Variants in DCAKD observed in about 807,000 individuals in gnomAD.
DCAKD encodes the protein dephospho-CoA kinase domain containing.
DCAKD carries 15 observed loss-of-function variants against 18.7 expected under a neutral mutation model. The ratio of observed to expected loss-of-function variants is 0.80; its 90% confidence interval spans 0.54 to 1.24. The LOEUF is 1.24. Ranked by LOEUF, DCAKD falls within the 50% of genes most tolerant of loss-of-function variation. The pLI, the probability that DCAKD is intolerant of heterozygous loss-of-function variation, is 0.00. For synonymous variants in DCAKD, 130 were observed against 133.0 expected, an observed-to-expected ratio of 0.98 and a Z score of 0.16; for missense variants, 301 against 322.0, an observed-to-expected ratio of 0.93 and a Z score of 0.50.
At chr17:45,041,064 T>C (rs2053422094) in intron 1 of DCAKD, among the ~76,000 whole-genome samples, 1 of 152,150 alleles carries the variant, frequency 6.6e-6, no homozygotes, top group Admixed American at 6.6e-5. Context: ...ACCTGTGCCC[T>C]GACCACTCCA....
chr17:45,037,303 TA>T (rs985831041), intron 1 of DCAKD, among the ~76,000 whole-genome samples: 2 of 151,662 alleles, frequency 1.3e-5, no homozygotes, highest in African/African-American at 2.4e-5. Context: ...CTCTCTCTAT[TA>T]AAAAAAATAA....
At chr17:45,045,353 G>C (rs1234119065) in intron 1 of DCAKD, among the ~76,000 whole-genome samples, 1 of 152,130 alleles carries the variant, frequency 6.6e-6, no homozygotes. Flanking sequence ...GCTTTGTGTT[G>C]ATATCTTGCA....
intron 1 of DCAKD, among the ~76,000 whole-genome samples, chr17:45,038,166 T>C (rs1441982692): frequency 6.6e-6 from 1 of 151,868 alleles, no homozygotes; most frequent in Non-Finnish European, 1.5e-5. Flanking sequence ...AATCTCTGCC[T>C]CCTGGGTTCA....
At chr17:45,045,405 G>A (rs564741976) in intron 1 of DCAKD, among the ~76,000 whole-genome samples, 1 of 152,220 alleles carries the variant, frequency 6.6e-6, no homozygotes, top group East Asian at 1.9e-4. Context: ...TATCCAAGGT[G>A]CCAAAAACAG....
At position 45,024,105 on chromosome 17, in the gene DCAKD, C is replaced by A; in HGVS notation, c.*328G>T. On this transcript the variant is annotated 3_prime_UTR_variant, in exon 5 of 5. Coordinates refer to ENST00000651974, the MANE Select transcript of DCAKD (RefSeq NM_001288655.2). ...GCCACAGAGCCAGTATTCCCTACCC[C>A]CACCCACAGAAATGTATAGCAGTCT... 1 of 270,226 alleles carries A rather than the reference C, an allele frequency of 3.7e-6. No homozygotes were observed. The highest frequency in any genetic ancestry group is 7.2e-6 in the Non-Finnish European group (1 of 139,514). 16.7% of individuals were successfully genotyped at this position (270,226 alleles called of 1,614,324 possible).
intron 1 of DCAKD, among the ~76,000 whole-genome samples, chr17:45,040,948 T>C (rs2143294563): frequency 6.6e-6 from 1 of 152,206 alleles, no homozygotes; most frequent in East Asian, 1.9e-4. Flanking sequence ...TCTGGCAGTG[T>C]TTCTCTTAGG....
intron 1 of DCAKD, among the ~76,000 whole-genome samples, chr17:45,037,248 T>C (rs2053321205): frequency 6.6e-6 from 1 of 152,086 alleles, no homozygotes; most frequent in African/African-American, 2.4e-5. Flanking sequence ...GGAGGATTGC[T>C]TGAGACCAGG....
intron 1 of DCAKD, among the ~76,000 whole-genome samples, chr17:45,046,698 C>T (rs936668445): frequency 2.0e-5 from 3 of 150,150 alleles, no homozygotes; most frequent in Non-Finnish European, 4.4e-5. Context: ...AATGAGAACA[C>T]TTAGGTGATG....
chr17:45,024,844 C>A, intron 4 of DCAKD, 120 bp from the exon 5 acceptor site: 4 of 1,260,580 alleles, frequency 3.2e-6, no homozygotes, highest in Non-Finnish European at 4.3e-6. Context: ...ATCTTCCCTC[C>A]AACCCTACCC....
chr17:45,024,790 C>A (rs1477703504), intron 4 of DCAKD, 66 bp from the exon 5 acceptor site: 1 of 1,495,132 alleles, frequency 6.7e-7, no homozygotes, highest in Non-Finnish European at 8.9e-7. Context: ...CAGGGATAGG[C>A]AGCCCTGCCA....
intron 3 of DCAKD, chr17:45,031,981 T>G: frequency 1.0e-6 from 1 of 985,428 alleles, no homozygotes; most frequent in Non-Finnish European, 1.2e-6. Context: ...CTGGCTTTTA[T>G]TTAAGTGGTG....
chr17:45,025,829 G>A (rs1044222549), intron 4 of DCAKD, among the ~76,000 whole-genome samples: 5 of 141,626 alleles, frequency 3.5e-5, no homozygotes, highest in Admixed American at 7.5e-5. Flanking sequence ...TTGGCTCACT[G>A]CAACCTCTAT....
intron 3 of DCAKD, chr17:45,031,689 C>A (rs77323994): frequency 1.0e-6 from 1 of 985,216 alleles, no homozygotes. Flanking sequence ...GTCCTTTCTC[C>A]GGCCCCTCTG....
intron 1 of DCAKD, among the ~76,000 whole-genome samples, chr17:45,044,701 A>C (rs59759726): frequency 0.24 from 23,516 of 99,380 alleles, 2,408 homozygotes; most frequent in African/African-American, 0.35. Flanking sequence ...ATAAATAAAT[A>C]AATAAATAAA....
upstream of DCAKD, chr17:45,054,140 C>T (rs548037024): frequency 7.9e-5 from 41 of 518,878 alleles, no homozygotes; most frequent in South Asian, 5.6e-4. Flanking sequence ...CCAAAAGGGC[C>T]ATTTGGTACA....
chr17:45,034,741 T>TG, intron 2 of DCAKD, 33 bp downstream of exon 2: 1 of 1,601,556 alleles, frequency 6.2e-7, no homozygotes, highest in Non-Finnish European at 8.5e-7. Flanking sequence ...GGAGCTGCTG[T>TG]GCACGGCCCC....
At chr17:45,044,949 G>A (rs1173616158) in intron 1 of DCAKD, among the ~76,000 whole-genome samples, 6 of 152,302 alleles carry the variant, frequency 3.9e-5, no homozygotes, top group African/African-American at 9.6e-5. Flanking sequence ...TAGGTATGTC[G>A]ACAGCAAGAG....
chr17:45,042,156 C>A (rs568968160), intron 1 of DCAKD, among the ~76,000 whole-genome samples: 1 of 152,006 alleles, frequency 6.6e-6, no homozygotes, highest in Non-Finnish European at 1.5e-5. Context: ...TGACCCAGGA[C>A]CTGAAGCAGC....
chr17:45,057,017 T>C (rs1175340841), intron 1 of DCAKD, among the ~76,000 whole-genome samples: 2 of 152,090 alleles, frequency 1.3e-5, no homozygotes, highest in South Asian at 2.1e-4. Context: ...TCTGCCCGCC[T>C]TGGCCTCCCA....
Sources: gnomAD v4.1 joint callset for allele counts (sites outside exome capture counted in the v4.1 genomes callset) on GRCh38, gnomAD v4.1.1 for gene constraint, MANE v1.5 for transcripts, NCBI Gene and HGNC (gene_info 2026-07-23, HGNC 2026-07-21) for gene names.